The following NOX4 variants were observed in gnomAD, a reference collection of about 807,000 sequenced individuals.
The protein encoded by NOX4 is kidney oxidase-1.
Under a neutral mutation model 87.6 loss-of-function variants are expected in NOX4, and 69 were observed. The ratio of observed to expected loss-of-function variants is 0.79; its 90% CI spans 0.65 to 0.96. The LOEUF is 0.96. NOX4 is among the 40% of genes least tolerant of loss of function. NOX4 has a pLI of 0.00. For missense variants in NOX4, 680 were observed against 681.5 expected, an observed-to-expected ratio of 1.00 and a Z score of 0.02; for synonymous variants, 275 against 238.2, an observed-to-expected ratio of 1.15 and a Z score of -1.42.
the NOX4 span, among the ~76,000 whole-genome samples, chr11:89,509,230 T>C: frequency 9.3e-6 from 1 of 107,928 alleles, no homozygotes; most frequent in Admixed American, 1.1e-4. Context: ...AAAGAAACAA[T>C]ATATCTTGAT....
chr11:89,345,640 T>C (rs566605250), intron 13 of NOX4, among the ~76,000 whole-genome samples: 1 of 152,284 alleles, frequency 6.6e-6, no homozygotes, highest in East Asian at 1.9e-4. Context: ...CATGTCTACG[T>C]GTACCCAATG....
At chr11:89,339,709 C>A (rs745973980) in intron 15 of NOX4, among the ~76,000 whole-genome samples, 2 of 152,104 alleles carry the variant, frequency 1.3e-5, no homozygotes, top group Non-Finnish European at 2.9e-5. Flanking sequence ...GGTGTTACAG[C>A]AGGAGCCTTC....
intron 7 of NOX4, among the ~76,000 whole-genome samples, chr11:89,427,131 G>A (rs1441193841): frequency 2.0e-5 from 3 of 152,180 alleles, no homozygotes; most frequent in Non-Finnish European, 4.4e-5. Flanking sequence ...TGGACCTCCA[G>A]CAAACTCCAA....
intron 5 of NOX4, among the ~76,000 whole-genome samples, chr11:89,441,234 CAAATA>C (rs1944440659): frequency 6.6e-6 from 1 of 152,094 alleles, no homozygotes; most frequent in Non-Finnish European, 1.5e-5. Context: ...TGAGGATACT[CAAATA>C]AAAACCAGTT....
At chr11:89,554,308 C>G in the NOX4 span, among the ~76,000 whole-genome samples, 2 of 152,076 alleles carry the variant, frequency 1.3e-5, no homozygotes, top group Non-Finnish European at 2.9e-5. Flanking sequence ...CCACATTTAT[C>G]ATAAACTACC....
At chr11:89,333,283 AT>A (rs1173544912) in intron 17 of NOX4, among the ~76,000 whole-genome samples, 2 of 151,866 alleles carry the variant, frequency 1.3e-5, no homozygotes, top group East Asian at 3.9e-4. Context: ...CAAGAAAAAA[AT>A]AAAACAACAA....
the NOX4 span, among the ~76,000 whole-genome samples, chr11:89,550,087 A>G: frequency 3.9e-5 from 6 of 152,100 alleles, no homozygotes; most frequent in African/African-American, 7.2e-5. Flanking sequence ...ATCTTTCACA[A>G]TGCTGGAACT....
chr11:89,469,641 A>T (rs563148508), intron 2 of NOX4, among the ~76,000 whole-genome samples: 1 of 152,176 alleles, frequency 6.6e-6, no homozygotes, highest in Non-Finnish European at 1.5e-5. Context: ...TGGGAACCCA[A>T]GTCTCCTCTT....
rs1565238883 is a variant in NOX4 at position 89,399,445 on chromosome 11, ATATAT to A, written c.1074+567_1074+571del. 4.3e-4 allele frequency among the ~76,000 whole-genome samples: 57 copies of A among 133,118 alleles called. 1 individual carries two copies. The East Asian group carries it at 5.7e-3, about 13-fold the overall frequency. 87.3% of individuals were successfully genotyped at this position (133,118 alleles called of 152,430 possible). On this transcript the variant is annotated intron_variant, in intron 11 of 17. Transcript: ENST00000263317. ...TTCAAGAAATTAAATATATATATAT[ATATAT>A]ATATATATATATATATATATATTTG... is the stretch of plus-strand genomic sequence containing the variant.
At chr11:89,427,560 G>C (rs1326431751) in intron 7 of NOX4, among the ~76,000 whole-genome samples, 1 of 152,100 alleles carries the variant, frequency 6.6e-6, no homozygotes, top group Non-Finnish European at 1.5e-5. Flanking sequence ...CATGGCACGA[G>C]AACTACGTGA....
intron 6 of NOX4, among the ~76,000 whole-genome samples, chr11:89,436,799 T>C (rs1944102107): frequency 6.6e-6 from 1 of 152,128 alleles, no homozygotes; most frequent in African/African-American, 2.4e-5. Flanking sequence ...TGGAGATATA[T>C]AGTAAGCATT....
At chr11:89,493,213 C>T (rs532103226), upstream of NOX4, among the ~76,000 whole-genome samples, 35 of 152,190 alleles carry the variant, frequency 2.3e-4, 2 homozygotes, top group South Asian at 5.8e-3. Flanking sequence ...GGTGAAACCC[C>T]GTCTCTACTA....
chr11:89,391,680 G>T (rs1056902765), intron 11 of NOX4, among the ~76,000 whole-genome samples: 5 of 147,848 alleles, frequency 3.4e-5, no homozygotes, highest in African/African-American at 1.3e-4. Context: ...GTCCAAGTTG[G>T]AGTGAGCCAT....
chr11:89,445,320 G>A lies in NOX4; in HGVS notation c.350-1088C>T, dbSNP rs148024586. Among the ~76,000 whole-genome samples the A allele has an allele frequency of 6.2e-3, 939 of 151,916 alleles. 8 individuals carry two copies. The highest frequency in any genetic ancestry group is 0.022 in the African/African-American group (905 of 41,466). On this transcript the variant is annotated intron_variant, in intron 4 of 17. Transcript: ENST00000263317. ...CAACCCATAATGTAAAATGTAGAGG[G>A]CTTAGAGTTCTAAGGTACTCACACA... is the stretch of plus-strand genomic sequence containing the variant.
rs552057113 is a variant in NOX4 at position 89,449,700 on chromosome 11, A to T, written c.265-176T>A. ...TAATGGGACACCTAAACCATTAAAA[A>T]ATATATGTGAGAAGTCCATATTATT... On this transcript the variant is annotated intron_variant, in intron 3 of 17. Coordinates refer to ENST00000263317, the MANE Select transcript of NOX4 (RefSeq NM_016931.5). Among the ~76,000 whole-genome samples, 10 of 152,286 alleles carry T rather than the reference A, an allele frequency of 6.6e-5. No individual in the cohort carries two copies. The East Asian group carries it at 1.9e-3, about 29-fold the overall frequency.
At chr11:89,520,011 A>G in the NOX4 span, among the ~76,000 whole-genome samples, 1 of 152,002 alleles carries the variant, frequency 6.6e-6, no homozygotes, top group Non-Finnish European at 1.5e-5. Context: ...CATTACTTGG[A>G]CCAATTACTA....
chr11:89,449,507 G>C lies in NOX4; in HGVS notation c.282C>G (p.Thr94=). Residue 94 remains threonine, a synonymous_variant, in exon 4 of 18, where the codon ACC becomes ACG. Coordinates refer to ENST00000263317, the MANE Select transcript of NOX4 (RefSeq NM_016931.5). ...RGSQKVPSRR[T]RRLLDKSRTF... is the part of the protein sequence containing the mutation. ...TTCTGCTTTTATCCAACAATCTCCTGGTTCTCCTGCTTGGAACCTAAACAA... is the reference window on the plus strand; with the variant it reads ...TTCTGCTTTTATCCAACAATCTCCTCGTTCTCCTGCTTGGAACCTAAACAA... 2 of 1,611,114 alleles carry C rather than the reference G, an allele frequency of 1.2e-6. No individual in the cohort carries two copies. Among genetic ancestry groups the C allele is most frequent in the Non-Finnish European group, 8.5e-7 (1 of 1,178,342 alleles).
chr11:89,532,753 G>A, the NOX4 span, among the ~76,000 whole-genome samples: 5 of 152,154 alleles, frequency 3.3e-5, 1 homozygote, highest in South Asian at 1.0e-3. Context: ...ATCTTGAATA[G>A]TAATCCCCAC....
chr11:89,374,472 G>A (rs929171622), intron 11 of NOX4, among the ~76,000 whole-genome samples: 6 of 152,130 alleles, frequency 3.9e-5, no homozygotes, highest in Non-Finnish European at 5.9e-5. Flanking sequence ...CGACTACCCA[G>A]CTTTTATCAA....
Sources: allele counts gnomAD v4.1 joint callset (sites outside exome capture counted in the v4.1 genomes callset), GRCh38; gene constraint gnomAD v4.1.1; transcripts MANE v1.5; gene names NCBI Gene and HGNC (gene_info 2026-07-23, HGNC 2026-07-21).